Variants in FRAS1 observed in about 807,000 individuals in gnomAD.
FRAS1 encodes the protein Fraser extracellular matrix complex subunit 1.
FRAS1 carries 290 observed loss-of-function variants against 435.2 expected under a neutral mutation model. The observed-to-expected ratio is 0.67, with a 90% CI of 0.61 to 0.73. The LOEUF (loss-of-function observed/expected upper bound fraction) is 0.73, where lower values mean the gene tolerates loss of function less well. FRAS1 is among the 30% of genes least tolerant of loss of function. The pLI, the probability that FRAS1 is intolerant of heterozygous loss-of-function variation, is 0.00. For missense variants in FRAS1, 4,860 were observed against 5,001.5 expected (o/e 0.97, Z 0.85); for synonymous variants, 1,800 against 1,851.0 (o/e 0.97, Z 0.71).
chr4:78,307,011 C>T (rs1301573200), intron 14 of FRAS1, among the ~76,000 whole-genome samples: 1 of 152,160 alleles, frequency 6.6e-6, no homozygotes, highest in Non-Finnish European at 1.5e-5. Flanking sequence ...TACTTTTGGT[C>T]TTTGATGATG....
intron 4 of FRAS1, among the ~76,000 whole-genome samples, chr4:78,250,197 G>GA (rs1232813508): frequency 6.6e-6 from 1 of 152,028 alleles, no homozygotes; most frequent in Admixed American, 6.6e-5. Context: ...TATACAAGCA[G>GA]AAAAAATATC....
In FRAS1 at chr4:78,387,406, A is replaced by C; in HGVS notation, c.3680A>C (p.His1227Pro). ...TATGTGCTGAGAAATGAAGTTCTCC[A>C]CATTAGCAGAGGAGAGAGGGCAACC... is the stretch of plus-strand genomic sequence containing the variant. ...APYVLRNEVL[H>P]ISRGERATIT... Residue 1227 changes from histidine (H) to proline (P), a missense_variant, in exon 29 of 74, where the codon CAC becomes CCC. Physicochemically the swap from His to Pro is moderately conservative, Grantham distance 77. Transcript: ENST00000512123. 6.2e-7 allele frequency: 1 copy of C among 1,612,486 alleles called. No individual in the cohort carries two copies. Among genetic ancestry groups the C allele is most frequent in the Non-Finnish European group, 8.5e-7 (1 of 1,179,016 alleles).
intron 2 of FRAS1, among the ~76,000 whole-genome samples, chr4:78,195,929 A>T (rs996634042): frequency 1.4e-5 from 2 of 147,704 alleles, no homozygotes; most frequent in African/African-American, 5.0e-5. Context: ...TCTCCCTGGC[A>T]TGTTGTTATT....
chr4:78,284,570 C>A, intron 13 of FRAS1, 22 bp downstream of exon 13: 2 of 1,592,930 alleles, frequency 1.3e-6, no homozygotes, highest in Non-Finnish European at 1.7e-6. Flanking sequence ...AGTGGACAAC[C>A]CAGAGGTGGT....
chr4:78,261,431 A>G (rs1282066887), intron 6 of FRAS1, among the ~76,000 whole-genome samples: 1 of 152,158 alleles, frequency 6.6e-6, no homozygotes, highest in Non-Finnish European at 1.5e-5. Flanking sequence ...CCCCAAATAT[A>G]GCATCTTGGC....
chr4:78,282,610 A>C (rs1470800283), intron 11 of FRAS1, among the ~76,000 whole-genome samples: 1 of 10,874 alleles, frequency 9.2e-5, no homozygotes, highest in African/African-American at 9.8e-5. Flanking sequence ...TCTACATTGA[A>C]GTAAAACCCA....
Position 78,284,434 on chromosome 4 carries a change from T to C in FRAS1, c.1285T>C (p.Ser429Pro). ...VHCHPDCLTC[S>P]QSPDHCDLCQ... ...TTGCCATCCAGATTGTTTGACATGC[T>C]CTCAGTCTCCAGACCACTGTGACCT... Residue 429 changes from serine to proline, a missense_variant, in exon 13 of 74, where the codon TCT becomes CCT. Physicochemically the swap from Ser to Pro is moderately conservative, Grantham distance 74. Coordinates refer to ENST00000512123, the MANE Select transcript of FRAS1 (RefSeq NM_025074.7). 6.2e-7 allele frequency: 1 copy of C among 1,613,932 alleles called. No individual in the cohort carries two copies. The highest frequency in any genetic ancestry group is 8.5e-7 in the Non-Finnish European group (1 of 1,179,852).
chr4:78,233,309 T>C (rs1006509461), intron 2 of FRAS1, among the ~76,000 whole-genome samples: 2 of 152,236 alleles, frequency 1.3e-5, no homozygotes, highest in Non-Finnish European at 2.9e-5. Context: ...CTTAGTGAGA[T>C]AGAGACTTTT....
At chr4:78,242,625 G>A (rs753257249) in intron 3 of FRAS1, among the ~76,000 whole-genome samples, 6 of 152,170 alleles carry the variant, frequency 3.9e-5, no homozygotes, top group Admixed American at 2.0e-4. Flanking sequence ...TAGGAGAGAC[G>A]GGGTTTCACC....
chr4:78,130,770 G>T (rs765690244), intron 2 of FRAS1, among the ~76,000 whole-genome samples: 21 of 152,294 alleles, frequency 1.4e-4, no homozygotes, highest in Non-Finnish European at 2.6e-4. Flanking sequence ...GGAACTAAGA[G>T]TTGAAAGGTA....
intron 20 of FRAS1, among the ~76,000 whole-genome samples, chr4:78,354,451 T>C (rs1236085941): frequency 1.3e-5 from 2 of 152,210 alleles, no homozygotes; most frequent in Admixed American, 1.3e-4. Context: ...CACAAAGTAA[T>C]GATCAAAAGG....
At chr4:78,470,961 G>C (rs371718573) in intron 51 of FRAS1, among the ~76,000 whole-genome samples, 1 of 152,162 alleles carries the variant, frequency 6.6e-6, no homozygotes. Context: ...CTGGGAAATA[G>C]CATCTCTAGC....
rs1721981789 is a variant in FRAS1, at chr4:78,181,121, A to G, written c.109-56389A>G. The G allele has an allele frequency of 5.1e-6, 8 of 1,573,312 alleles. No homozygotes were observed. In the South Asian group the frequency reaches 6.6e-5, roughly 13 times the overall value. ...CCTCTTCACTCTTTGATTTATGAAA[A>G]CAAATCCCTTCTTCCACTGCCCATC... On this transcript the variant is annotated intron_variant, in intron 2 of 73. Transcript: ENST00000512123.
chr4:78,414,314 A>G (rs1328741628), intron 32 of FRAS1, among the ~76,000 whole-genome samples: 1 of 152,218 alleles, frequency 6.6e-6, no homozygotes, highest in Non-Finnish European at 1.5e-5. Context: ...TTTGGAGGAA[A>G]TAATGGGCCA....
chr4:78,226,281 C>A (rs74713187), intron 2 of FRAS1, among the ~76,000 whole-genome samples: 3 of 152,060 alleles, frequency 2.0e-5, no homozygotes, highest in African/African-American at 7.2e-5. Context: ...TATATTTACC[C>A]TATTATTCTA....
At chr4:78,109,965 CAG>C (rs1179416041) in intron 2 of FRAS1, among the ~76,000 whole-genome samples, 1 of 16,732 alleles carries the variant, frequency 6.0e-5, no homozygotes, top group Non-Finnish European at 1.2e-4. Flanking sequence ...AACAGACAAA[CAG>C]AGAGCCAAAT....
At chr4:78,537,958 GAAAA>G (rs59270600) in intron 72 of FRAS1, among the ~76,000 whole-genome samples, 1 of 138,320 alleles carries the variant, frequency 7.2e-6, no homozygotes, top group African/African-American at 2.7e-5. Context: ...AAAAAAAAAA[GAAAA>G]AAAAAAGCCA....
At chr4:78,504,900 G>A (rs1720786409) in intron 61 of FRAS1, among the ~76,000 whole-genome samples, 1 of 152,172 alleles carries the variant, frequency 6.6e-6, no homozygotes, top group African/African-American at 2.4e-5. Context: ...TCCTTCAGGA[G>A]CTCTTGTAAG....
intron 2 of FRAS1, among the ~76,000 whole-genome samples, chr4:78,115,132 T>C (rs1302094506): frequency 6.6e-6 from 1 of 151,438 alleles, no homozygotes; most frequent in Admixed American, 6.6e-5. Flanking sequence ...AGATTACGTT[T>C]ATTGATTTTT....
Sources: gnomAD v4.1 joint callset for allele counts (sites outside exome capture counted in the v4.1 genomes callset) on GRCh38, gnomAD v4.1.1 for gene constraint, MANE v1.5 for transcripts, NCBI Gene and HGNC (gene_info 2026-07-23, HGNC 2026-07-21) for gene names.